The following KCNH5 variants were observed in gnomAD, a reference collection of about 807,000 sequenced individuals.
The protein encoded by KCNH5 is potassium voltage-gated channel subfamily H member 5.
A neutral mutation model predicts 96.1 loss-of-function variants in KCNH5; 46 were observed. That is an observed-to-expected ratio of 0.48 (90% CI 0.38 to 0.61). The LOEUF (loss-of-function observed/expected upper bound fraction) is 0.61. KCNH5 is among the 20% of genes least tolerant of loss of function. KCNH5 has a pLI of 0.00. For missense variants in KCNH5, 907 were observed against 1,225.8 expected (o/e 0.74, Z 3.88); for synonymous variants, 439 against 449.8 (o/e 0.98, Z 0.30).
chr14:62,817,801 A>C (rs954059959), intron 8 of KCNH5, among the ~76,000 whole-genome samples: 7 of 145,868 alleles, frequency 4.8e-5, no homozygotes, highest in Admixed American at 4.2e-4. Flanking sequence ...TATTCTATAT[A>C]TATTCTAGGA....
chr14:62,761,305 A>G (rs1267581628), intron 10 of KCNH5, among the ~76,000 whole-genome samples: 1 of 152,008 alleles, frequency 6.6e-6, no homozygotes, highest in Admixed American at 6.6e-5. Context: ...CAATGAGCCA[A>G]GATCACGCCA....
At position 62,957,298 on chromosome 14, in the gene KCNH5, G is replaced by A. The variant is rs114820331; in HGVS notation, c.943-6739C>T. The stretch of plus-strand genomic sequence containing the variant: ...AAATCAATTCTCTTATCTGACCGTC[G>A]CTAATAATAGCAGGTAGATAATTCA... On this transcript the variant is annotated intron_variant, in intron 6 of 10. Transcript: ENST00000322893. 7.0e-3 allele frequency among the ~76,000 whole-genome samples: 1,073 copies of A among 152,240 alleles called. 12 individuals carry two copies. The highest frequency in any genetic ancestry group is 0.025 in the African/African-American group (1,019 of 41,530).
At chr14:62,783,513 A>G (rs1886260899) in intron 9 of KCNH5, among the ~76,000 whole-genome samples, 1 of 152,132 alleles carries the variant, frequency 6.6e-6, no homozygotes, top group African/African-American at 2.4e-5. Flanking sequence ...ATTTTCTCAA[A>G]TTGTCAATTA....
intron 9 of KCNH5, among the ~76,000 whole-genome samples, chr14:62,799,691 T>TTATATATATATATATATATA (rs71410693): frequency 5.2e-5 from 3 of 58,016 alleles, no homozygotes; most frequent in Non-Finnish European, 1.0e-4. Flanking sequence ...GTATATACCT[T>TTATATATATATATATATATA]TATATATATA....
chr14:62,999,251 C>T (rs1594667452), intron 4 of KCNH5, among the ~76,000 whole-genome samples: 1 of 152,176 alleles, frequency 6.6e-6, no homozygotes. Context: ...GATGGTATCT[C>T]ATTGTGGTTT....
rs1217314550 is a variant in KCNH5, at chr14:62,799,708, T to C, written c.1822+2621A>G. Among the ~76,000 whole-genome samples, 14 of 106,166 alleles carry C rather than the reference T, an allele frequency of 1.3e-4. No individual in the cohort carries two copies. In the Admixed American group the frequency reaches 1.4e-3, roughly 11 times the overall value. The allele number at this position is 106,166 out of a possible 152,430, so 69.6% of individuals were successfully genotyped here. On this transcript the variant is annotated intron_variant, in intron 9 of 10. Transcript: ENST00000322893. Reference sequence around the variant, plus strand: ...ATATACCTTTATATATATATATATATATATATATATATATATATACACACA... The same window carrying C: ...ATATACCTTTATATATATATATATACATATATATATATATATATACACACA...
chr14:62,935,943 T>G (rs370515927), intron 7 of KCNH5, among the ~76,000 whole-genome samples: 3 of 152,276 alleles, frequency 2.0e-5, no homozygotes, highest in Admixed American at 2.0e-4. Flanking sequence ...CTTTCAATAA[T>G]TTGTTCCCAA....
At chr14:62,817,699 A>C (rs1333143397) in intron 8 of KCNH5, among the ~76,000 whole-genome samples, 1 of 147,014 alleles carries the variant, frequency 6.8e-6, no homozygotes, top group Non-Finnish European at 1.5e-5. Flanking sequence ...AATATATTCT[A>C]TATAATAATA....
intron 7 of KCNH5, among the ~76,000 whole-genome samples, chr14:62,930,591 C>G (rs1889562459): frequency 6.6e-6 from 1 of 152,126 alleles, no homozygotes; most frequent in African/African-American, 2.4e-5. Context: ...GCAAGTATGC[C>G]ACTTGACAAT....
chr14:62,778,527 C>G (rs903831561), intron 10 of KCNH5, among the ~76,000 whole-genome samples: 2 of 152,214 alleles, frequency 1.3e-5, no homozygotes, highest in African/African-American at 2.4e-5. Context: ...TCTGAGCTCC[C>G]TAACACATAA....
At chr14:62,876,107 C>T (rs1888367393) in intron 7 of KCNH5, among the ~76,000 whole-genome samples, 1 of 152,248 alleles carries the variant, frequency 6.6e-6, no homozygotes, top group African/African-American at 2.4e-5. Flanking sequence ...GCGGAGGTTG[C>T]AGTGAGTCGA....
chr14:62,825,337 G>A (rs1797340143), intron 8 of KCNH5, among the ~76,000 whole-genome samples: 1 of 152,064 alleles, frequency 6.6e-6, no homozygotes, highest in Non-Finnish European at 1.5e-5. Flanking sequence ...TGACTGATGT[G>A]AAATGGTATA....
intron 7 of KCNH5, among the ~76,000 whole-genome samples, chr14:62,907,544 G>A (rs77611093): frequency 0.011 from 1,682 of 152,266 alleles, 45 homozygotes; most frequent in African/African-American, 0.038. Flanking sequence ...TAAGAGTCCT[G>A]AAATCCAGGG....
chr14:62,743,522 T>C (rs557513280), intron 10 of KCNH5, among the ~76,000 whole-genome samples: 1 of 152,262 alleles, frequency 6.6e-6, no homozygotes, highest in Non-Finnish European at 1.5e-5. Context: ...TTATGTTAAC[T>C]TGTTTTTATT....
At chr14:62,853,119 T>C (rs1045834189) in intron 7 of KCNH5, among the ~76,000 whole-genome samples, 4 of 152,144 alleles carry the variant, frequency 2.6e-5, no homozygotes, top group Non-Finnish European at 5.9e-5. Context: ...TATTCTTAAA[T>C]CCATTCTTTG....
At chr14:63,001,780 G>A (rs780499314) in intron 3 of KCNH5, among the ~76,000 whole-genome samples, 1 of 152,184 alleles carries the variant, frequency 6.6e-6, no homozygotes, top group Admixed American at 6.5e-5. Flanking sequence ...GTAGGTCTGG[G>A]TCCCTCAACC....
chr14:62,790,541 A>C, intron 9 of KCNH5, among the ~76,000 whole-genome samples: 1 of 150,738 alleles, frequency 6.6e-6, no homozygotes, highest in East Asian at 1.9e-4. Flanking sequence ...AACATAGGAC[A>C]TATTTCCATT....
chr14:63,038,219 G>A (rs1242247753), intron 1 of KCNH5, among the ~76,000 whole-genome samples: 1 of 152,146 alleles, frequency 6.6e-6, no homozygotes, highest in African/African-American at 2.4e-5. Flanking sequence ...TATGGTCTTG[G>A]TTACTTTAGG....
At chr14:63,018,736 T>TA (rs1279500051) in intron 1 of KCNH5, among the ~76,000 whole-genome samples, 1 of 152,024 alleles carries the variant, frequency 6.6e-6, no homozygotes, top group African/African-American at 2.4e-5. Flanking sequence ...TGCCTGATTT[T>TA]TAAAAAAATG....
Sources: gnomAD v4.1 joint callset for allele counts (sites outside exome capture counted in the v4.1 genomes callset) on GRCh38, gnomAD v4.1.1 for gene constraint, MANE v1.5 for transcripts, NCBI Gene and HGNC (gene_info 2026-07-23, HGNC 2026-07-21) for gene names.